Variants in GATAD2A observed in about 807,000 individuals in gnomAD.
GATAD2A encodes the protein transcriptional repressor p66-alpha.
A neutral mutation model predicts 68.5 loss-of-function variants in GATAD2A; 12 were observed. That is an observed-to-expected ratio of 0.18 (90% CI 0.11 to 0.28). The LOEUF (loss-of-function observed/expected upper bound fraction) is 0.28, where lower values mean the gene tolerates loss of function less well. Ranked by LOEUF, GATAD2A falls within the 10% of genes least tolerant of loss-of-function variation. GATAD2A has a pLI of 1.00. For synonymous variants in GATAD2A, 410 were observed against 375.3 expected (o/e 1.09, Z -1.07); for missense variants, 755 against 868.5 (o/e 0.87, Z 1.64).
chr19:19,434,017 C>T (rs1358244495), intron 1 of GATAD2A, among the ~76,000 whole-genome samples: 2 of 152,244 alleles, frequency 1.3e-5, no homozygotes, highest in Non-Finnish European at 2.9e-5. Flanking sequence ...AATTGATCTG[C>T]CTGCCATGGC....
chr19:19,473,774 TAAAAAAAA>T (rs1192789940), intron 2 of GATAD2A, among the ~76,000 whole-genome samples: 3 of 123,358 alleles, frequency 2.4e-5, no homozygotes, highest in South Asian at 2.6e-4. Context: ...CGTCTCTACT[TAAAAAAAA>T]AAAAAAAAAA....
At chr19:19,491,256 A>C (rs2059771943) in intron 2 of GATAD2A, among the ~76,000 whole-genome samples, 1 of 152,132 alleles carries the variant, frequency 6.6e-6, no homozygotes, top group African/African-American at 2.4e-5. Flanking sequence ...TTGTGACCAT[A>C]CTTTGACAAA....
chr19:19,431,693 CAA>C (rs538655876), intron 1 of GATAD2A, among the ~76,000 whole-genome samples: 120 of 90,234 alleles, frequency 1.3e-3, no homozygotes, highest in South Asian at 5.0e-3. Flanking sequence ...GACTTGGTCT[CAA>C]AAAAAAAAAA....
At chr19:19,417,724 A>G (rs1032142349) in intron 1 of GATAD2A, among the ~76,000 whole-genome samples, 2 of 152,230 alleles carry the variant, frequency 1.3e-5, no homozygotes, top group African/African-American at 2.4e-5. Context: ...AAGAAAGGCC[A>G]TTGATAAAAG....
chr19:19,427,461 A>C (rs2053232315), intron 1 of GATAD2A: 1 of 152,020 alleles, frequency 6.6e-6, no homozygotes. Flanking sequence ...GGGGTTAAAA[A>C]AATGCACGTG....
chr19:19,429,318 G>C, intron 1 of GATAD2A: 4 of 726,248 alleles, frequency 5.5e-6, no homozygotes, highest in Non-Finnish European at 6.7e-6. Context: ...GCTAGGAGGG[G>C]CTCTCCTGGC....
chr19:19,456,456 A>C (rs2056946594), intron 1 of GATAD2A, among the ~76,000 whole-genome samples: 1 of 152,182 alleles, frequency 6.6e-6, no homozygotes, highest in Non-Finnish European at 1.5e-5. Flanking sequence ...TTAGCCACTG[A>C]GCATGTGTGT....
At chr19:19,486,535 C>T (rs561262690) in intron 2 of GATAD2A, among the ~76,000 whole-genome samples, 30 of 152,328 alleles carry the variant, frequency 2.0e-4, no homozygotes, top group African/African-American at 7.0e-4. Flanking sequence ...CAGGATGCTC[C>T]CGCCCCACCA....
chr19:19,485,029 C>T (rs2059340219), intron 2 of GATAD2A, among the ~76,000 whole-genome samples: 1 of 152,170 alleles, frequency 6.6e-6, no homozygotes, highest in Non-Finnish European at 1.5e-5. Context: ...GCTCTGGTCT[C>T]CCACATGACC....
chr19:19,455,170 T>TA (rs1236272624), intron 1 of GATAD2A, among the ~76,000 whole-genome samples: 2 of 150,188 alleles, frequency 1.3e-5, no homozygotes, highest in Non-Finnish European at 3.0e-5. Context: ...GCCTGGGCAA[T>TA]ACAGTGGGAC....
intron 1 of GATAD2A, among the ~76,000 whole-genome samples, chr19:19,397,085 C>A (rs1173261037): frequency 2.0e-5 from 3 of 152,174 alleles, no homozygotes; most frequent in Non-Finnish European, 4.4e-5. Flanking sequence ...TGAAAACAGC[C>A]AAGTGAGTTC....
chr19:19,452,030 G>T (rs533613295), intron 1 of GATAD2A, among the ~76,000 whole-genome samples: 9 of 152,296 alleles, frequency 5.9e-5, no homozygotes, highest in African/African-American at 2.2e-4. Flanking sequence ...AGACAATTGA[G>T]CAAGACTCAG....
chr19:19,503,644 CTGTG>C lies in GATAD2A; in HGVS notation c.1774+1144_1774+1147del, dbSNP rs58706182. On this transcript the variant is annotated intron_variant, in intron 11 of 11. Coordinates refer to ENST00000683918, the MANE Select transcript of GATAD2A (RefSeq NM_001384528.1). ...CACGGTGGTGGAAGTCATCTGGAAG[CTGTG>C]TGTGTGTGTGTGTGTGTGTGTGTGT... is the stretch of plus-strand genomic sequence containing the variant. 7.2e-3 allele frequency among the ~76,000 whole-genome samples: 1,069 copies of C among 148,686 alleles called. 9 individuals are homozygous for C. Among genetic ancestry groups the C allele is most frequent in the South Asian group, 0.044 (203 of 4,642 alleles).
chr19:19,468,042 A>T (rs1041204803), intron 2 of GATAD2A, among the ~76,000 whole-genome samples: 3 of 152,258 alleles, frequency 2.0e-5, no homozygotes, highest in Non-Finnish European at 4.4e-5. Context: ...GGCAGAATTG[A>T]CAAAAGCAAA....
At chr19:19,462,434 G>T (rs1238314135) in intron 1 of GATAD2A, among the ~76,000 whole-genome samples, 2 of 152,376 alleles carry the variant, frequency 1.3e-5, no homozygotes, top group East Asian at 1.9e-4. Context: ...TTCCTGAGGT[G>T]GGGGAGGGGT....
chr19:19,419,743 T>G (rs2052115904), intron 1 of GATAD2A, among the ~76,000 whole-genome samples: 1 of 152,080 alleles, frequency 6.6e-6, no homozygotes, highest in African/African-American at 2.4e-5. Context: ...CTTGAACTCC[T>G]GACCTCAGGT....
At chr19:19,464,403 A>G (rs763355853) in intron 1 of GATAD2A, among the ~76,000 whole-genome samples, 23 of 152,236 alleles carry the variant, frequency 1.5e-4, no homozygotes, top group Non-Finnish European at 2.8e-4. Flanking sequence ...CGAGGCCGGG[A>G]TTAGAGCAGC....
chr19:19,431,533 A>C (rs2053749296), intron 1 of GATAD2A, among the ~76,000 whole-genome samples: 1 of 151,466 alleles, frequency 6.6e-6, no homozygotes. Context: ...GTCTCTAATA[A>C]AAATATAAAA....
At chr19:19,406,251 G>C (rs2050228130) in intron 1 of GATAD2A, among the ~76,000 whole-genome samples, 2 of 151,934 alleles carry the variant, frequency 1.3e-5, no homozygotes, top group Non-Finnish European at 2.9e-5. Flanking sequence ...GGGCCGGGCG[G>C]GGGTCCCGGA....
Sources: allele counts gnomAD v4.1 joint callset (sites outside exome capture counted in the v4.1 genomes callset), GRCh38; gene constraint gnomAD v4.1.1; transcripts MANE v1.5; gene names NCBI Gene and HGNC (gene_info 2026-07-23, HGNC 2026-07-21).